The following CYP2C18 variants were observed in gnomAD, a reference collection of about 807,000 sequenced individuals.
The protein encoded by CYP2C18 is cytochrome P450 2C18.
A neutral mutation model predicts 41.3 loss-of-function variants in CYP2C18; 38 were observed. The ratio of observed to expected loss-of-function variants is 0.92; its 90% confidence interval spans 0.71 to 1.21. CYP2C18 has a LOEUF of 1.21. CYP2C18 is among the 50% of genes most tolerant of loss of function. The pLI, the probability that CYP2C18 is intolerant of heterozygous loss-of-function variation, is 0.00. For missense variants in CYP2C18, 635 were observed against 591.4 expected (o/e 1.07, Z -0.77); for synonymous variants, 236 against 210.0 (o/e 1.12, Z -1.07).
chr10:94,692,759 T>G (rs1847029746), intron 3 of CYP2C18, among the ~76,000 whole-genome samples: 2 of 152,198 alleles, frequency 1.3e-5, no homozygotes, highest in East Asian at 3.9e-4. Context: ...TAACAAAGAC[T>G]TGGAACCAAC....
intron 7 of CYP2C18, among the ~76,000 whole-genome samples, chr10:94,726,839 G>A (rs917667863): frequency 3.9e-5 from 6 of 152,172 alleles, no homozygotes; most frequent in South Asian, 4.2e-4. Flanking sequence ...CACTTGAAGC[G>A]AGTACATATT....
intron 4 of CYP2C18, among the ~76,000 whole-genome samples, chr10:94,696,465 C>A (rs1018457964): frequency 6.6e-5 from 10 of 151,816 alleles, no homozygotes; most frequent in Non-Finnish European, 1.0e-4. Flanking sequence ...ACATCCACAC[C>A]AAAACCCCAT....
rs76680226 is a variant in CYP2C18, at chr10:94,735,798, G to T, written c.*354G>T. The T allele has an allele frequency of 0.011, 2,021 of 191,112 alleles. 9 individuals carry two copies. Among genetic ancestry groups the T allele is most frequent in the Admixed American group, 0.018 (322 of 17,916 alleles). 11.8% of individuals were successfully genotyped at this position (191,112 alleles called of 1,614,324 possible). A position where few individuals can be genotyped will look rare whatever the true frequency, so the allele number is the denominator to read the frequency against. Reference sequence around the variant, plus strand: ...TTCTCTGCATGCTCTAGATAAAAATGATTATTATTTACTGGGTCAGTTCTT... The same window carrying T: ...TTCTCTGCATGCTCTAGATAAAAATTATTATTATTTACTGGGTCAGTTCTT... On this transcript the variant is annotated 3_prime_UTR_variant, in exon 9 of 9. Coordinates refer to ENST00000285979, the MANE Select transcript of CYP2C18 (RefSeq NM_000772.3).
In CYP2C18 at chr10:94,724,445, A is replaced by G. The variant is rs750784520; in HGVS notation, c.1061A>G (p.Glu354Gly). 5.6e-6 allele frequency: 9 copies of G among 1,613,482 alleles called. No homozygotes were observed. The highest frequency in any genetic ancestry group is 1.1e-5 in the South Asian group (1 of 91,072). ...HMPYTDAVVH[E>G]IQRYIDLLPT... ...CCCTACACAGATGCTGTGGTGCACG[A>G]GATCCAGAGATACATTGACCTCCTC... The change falls in exon 7 of 9, where the codon GAG (glutamate) becomes GGG (glycine). Residue 354 changes from glutamate (E) to glycine (G), a missense_variant. Transcript: ENST00000285979.
chr10:94,724,138 G>A (rs114844555), intron 6 of CYP2C18, among the ~76,000 whole-genome samples: 192 of 151,422 alleles, frequency 1.3e-3, no homozygotes, highest in African/African-American at 4.5e-3. Context: ...TATGTAGGTG[G>A]TTACAGATTT....
Position 94,702,006 on chromosome 10 carries a change from T to G in CYP2C18, c.643-4778T>G, listed in dbSNP as rs577160447. Among the ~76,000 whole-genome samples, 418 of 152,056 alleles carry G rather than the reference T, an allele frequency of 2.7e-3. 1 individual carries two copies. Among genetic ancestry groups the G allele is most frequent in the Non-Finnish European group, 4.1e-3 (276 of 67,950 alleles). ...AACAATGTCACTGGTAAAAAAAAAA[T>G]AAAAAAGAAATTCTTGGTTGAAAAT... On this transcript the variant is annotated intron_variant, in intron 4 of 8. Coordinates refer to ENST00000285979, the MANE Select transcript of CYP2C18 (RefSeq NM_000772.3).
intron 1 of CYP2C18, among the ~76,000 whole-genome samples, chr10:94,684,722 G>A (rs1283929587): frequency 6.6e-6 from 1 of 152,012 alleles, no homozygotes; most frequent in Non-Finnish European, 1.5e-5. Context: ...ACTGGTAGTG[G>A]GATTGCTGGA....
At chr10:94,694,286 T>C (rs1847071942) in intron 3 of CYP2C18, among the ~76,000 whole-genome samples, 1 of 152,212 alleles carries the variant, frequency 6.6e-6, no homozygotes, top group Non-Finnish European at 1.5e-5. Context: ...AGGTTTGAAA[T>C]GAAAGTTTCT....
At chr10:94,710,452 T>C (rs1847415591) in intron 5 of CYP2C18, among the ~76,000 whole-genome samples, 1 of 152,234 alleles carries the variant, frequency 6.6e-6, no homozygotes, top group African/African-American at 2.4e-5. Context: ...ACTTTGAATC[T>C]GTAGATCAAT....
chr10:94,711,886 G>T (rs1426162743), intron 5 of CYP2C18, among the ~76,000 whole-genome samples: 1 of 151,446 alleles, frequency 6.6e-6, no homozygotes, highest in Non-Finnish European at 1.5e-5. Flanking sequence ...CCATTGCCCA[G>T]GCTGTTGTGA....
intron 6 of CYP2C18, among the ~76,000 whole-genome samples, chr10:94,721,141 G>A (rs1461955215): frequency 6.6e-6 from 1 of 152,012 alleles, no homozygotes; most frequent in Non-Finnish European, 1.5e-5. Context: ...AGCCTCCTGA[G>A]TAGCTGGGAT....
rs1484957897 is a variant in CYP2C18 at position 94,684,094 on chromosome 10, A to G, written c.168+107A>G. 19 of 732,984 alleles carry G rather than the reference A, an allele frequency of 2.6e-5. No homozygotes were observed. The East Asian group carries it at 5.6e-4, about 22-fold the overall frequency. The allele number at this position is 732,984 out of a possible 1,614,324, so 45.4% of individuals were successfully genotyped here. ...TGATAAATGATAATTGTATATATTA[A>G]TGGGGTACAATATTACATTTTGATA... is the stretch of plus-strand genomic sequence containing the variant. On this transcript the variant is annotated intron_variant, in intron 1 of 8. Coordinates refer to ENST00000285979, the MANE Select transcript of CYP2C18 (RefSeq NM_000772.3).
rs562690553 is a variant in CYP2C18 at position 94,698,403 on chromosome 10, G to T, written c.642+3326G>T. 2.9e-3 allele frequency among the ~76,000 whole-genome samples: 449 copies of T among 152,266 alleles called. 1 individual carries two copies. Among genetic ancestry groups the T allele is most frequent in the Non-Finnish European group, 4.9e-3 (332 of 68,022 alleles). The stretch of plus-strand genomic sequence containing the variant: ...ACTACTGGTACATAATGAAATGAAG[G>T]CAGAAATAAAAATGTTCTTTGAAAC... On this transcript the variant is annotated intron_variant, in intron 4 of 8. Transcript: ENST00000285979.
chr10:94,706,713 C>A, intron 4 of CYP2C18, 71 bp from the exon 5 acceptor site: 1 of 836,506 alleles, frequency 1.2e-6, no homozygotes, highest in Non-Finnish European at 1.8e-6. Flanking sequence ...CAGTTTTAAA[C>A]CAGCAGTTGA....
intron 1 of CYP2C18, among the ~76,000 whole-genome samples, chr10:94,684,721 G>A (rs1846852440): frequency 6.6e-6 from 1 of 152,072 alleles, no homozygotes; most frequent in South Asian, 2.1e-4. Flanking sequence ...TACTGGTAGT[G>A]GGATTGCTGG....
chr10:94,706,710 A>T, intron 4 of CYP2C18, 74 bp from the exon 5 acceptor site: 1 of 818,764 alleles, frequency 1.2e-6, no homozygotes, highest in Non-Finnish European at 1.9e-6. Context: ...CTCCAGTTTT[A>T]AACCAGCAGT....
chr10:94,721,587 G>A (rs1056860753), intron 6 of CYP2C18, among the ~76,000 whole-genome samples: 1 of 151,740 alleles, frequency 6.6e-6, no homozygotes, highest in Non-Finnish European at 1.5e-5. Context: ...CCAATAGGTA[G>A]CATTTCATCC....
At chr10:94,734,015 A>G (rs1030015464) in intron 8 of CYP2C18, among the ~76,000 whole-genome samples, 1 of 152,062 alleles carries the variant, frequency 6.6e-6, no homozygotes, top group African/African-American at 2.4e-5. Flanking sequence ...TTCATAGGCC[A>G]TACCACTTCC....
At chr10:94,732,024 A>G (rs1847842728) in intron 7 of CYP2C18, among the ~76,000 whole-genome samples, 2 of 152,234 alleles carry the variant, frequency 1.3e-5, no homozygotes, top group South Asian at 2.1e-4. Flanking sequence ...AACAAAAGTA[A>G]CTATTAACAA....
Sources: gnomAD v4.1 joint callset for allele counts (sites outside exome capture counted in the v4.1 genomes callset) on GRCh38, gnomAD v4.1.1 for gene constraint, MANE v1.5 for transcripts, NCBI Gene and HGNC (gene_info 2026-07-23, HGNC 2026-07-21) for gene names.